Variants in ZNF532 observed in about 807,000 individuals in gnomAD.
ZNF532 encodes zinc finger protein 532.
A neutral mutation model predicts 89.3 loss-of-function variants in ZNF532; 22 were observed. That is an observed-to-expected ratio of 0.25 (90% CI 0.18 to 0.35). The LOEUF (loss-of-function observed/expected upper bound fraction) is 0.35. Ranked by LOEUF, ZNF532 falls within the 10% of genes least tolerant of loss-of-function variation. The pLI, the probability that ZNF532 is intolerant of heterozygous loss-of-function variation, is 1.00. For missense variants in ZNF532, 1,132 were observed against 1,643.4 expected (o/e 0.69, Z 5.38); for synonymous variants, 606 against 649.6 (o/e 0.93, Z 1.02).
intron 2 of ZNF532, among the ~76,000 whole-genome samples, chr18:58,894,281 A>G (rs1468992595): frequency 6.6e-6 from 1 of 152,068 alleles, no homozygotes; most frequent in African/African-American, 2.4e-5. Flanking sequence ...CCCGGCTAAC[A>G]TGGTGAAACC....
chr18:58,929,442 C>T (rs1453405209), intron 3 of ZNF532, among the ~76,000 whole-genome samples: 1 of 152,210 alleles, frequency 6.6e-6, no homozygotes, highest in Non-Finnish European at 1.5e-5. Flanking sequence ...AACCAGGGAG[C>T]TCATCTGAAT....
chr18:58,903,949 A>G (rs544352058), intron 2 of ZNF532, among the ~76,000 whole-genome samples: 1 of 152,360 alleles, frequency 6.6e-6, no homozygotes, highest in African/African-American at 2.4e-5. Flanking sequence ...AAATTTCAGC[A>G]TACATTGGGA....
At chr18:58,930,305 A>G (rs1040769470) in intron 3 of ZNF532, among the ~76,000 whole-genome samples, 2 of 152,032 alleles carry the variant, frequency 1.3e-5, no homozygotes, top group Non-Finnish European at 2.9e-5. Context: ...CTATTGATCA[A>G]TTTCAGTGAC....
intron 2 of ZNF532, among the ~76,000 whole-genome samples, chr18:58,890,887 C>T (rs2058852183): frequency 6.6e-6 from 1 of 151,334 alleles, no homozygotes; most frequent in Admixed American, 6.6e-5. Flanking sequence ...CTCTGTCATC[C>T]AGGCTGGGGT....
chr18:58,950,957 C>CTTTTTT (rs35733502), intron 6 of ZNF532, among the ~76,000 whole-genome samples: 1 of 146,306 alleles, frequency 6.8e-6, no homozygotes, highest in African/African-American at 2.5e-5. Flanking sequence ...TTTTCAGAGT[C>CTTTTTT]TTTTTTTTTT....
chr18:58,866,216 T>C (rs975090637), intron 2 of ZNF532, among the ~76,000 whole-genome samples: 1 of 152,228 alleles, frequency 6.6e-6, no homozygotes, highest in Non-Finnish European at 1.5e-5. Context: ...TGTGAAAAGA[T>C]GCCTGTTAAC....
At chr18:58,888,153 GTATTT>G (rs71945223) in intron 2 of ZNF532, among the ~76,000 whole-genome samples, 4,349 of 152,138 alleles carry the variant, frequency 0.029, 215 homozygotes, top group African/African-American at 0.099. Flanking sequence ...ATCATCATGA[GTATTT>G]TATTTTATAT....
Position 58,920,556 on chromosome 18 carries a change from T to C in ZNF532, c.2269T>C (p.Leu757=), listed in dbSNP as rs149632353. The C allele has an allele frequency of 2.3e-3, 3,701 of 1,613,440 alleles. 15 individuals are homozygous for C. Among genetic ancestry groups the C allele is most frequent in the Middle Eastern group, 8.8e-3 (53 of 6,056 alleles). Residue 757 remains leucine (L), a synonymous_variant, in exon 3 of 10, where the codon TTG becomes CTG. Coordinates refer to ENST00000591808, the MANE Select transcript of ZNF532 (RefSeq NM_001375912.1). ...SKLCRHSLKC[L]ECNEVFQDET... The stretch of plus-strand genomic sequence containing the variant: ...ACTGTGTAGACATAGTCTAAAATGT[T>C]TGGAGTGTAATGAAGTCTTCCAGGA...
At chr18:58,873,908 T>TA (rs2057209028) in intron 2 of ZNF532, among the ~76,000 whole-genome samples, 1 of 152,224 alleles carries the variant, frequency 6.6e-6, no homozygotes, top group South Asian at 2.1e-4. Context: ...TTTTGCCACT[T>TA]ACTAGCTGCG....
At chr18:58,970,942 C>CT (rs1568451113) in intron 7 of ZNF532, among the ~76,000 whole-genome samples, 1 of 152,186 alleles carries the variant, frequency 6.6e-6, no homozygotes, top group Admixed American at 6.5e-5. Flanking sequence ...TCAGCCCTTT[C>CT]TTTTTTTCTC....
intron 2 of ZNF532, among the ~76,000 whole-genome samples, chr18:58,918,005 A>G (rs1460500199): frequency 6.6e-6 from 1 of 152,132 alleles, no homozygotes; most frequent in Non-Finnish European, 1.5e-5. Flanking sequence ...GTTTCAATCA[A>G]CTTCATTCTT....
chr18:58,941,509 G>T (rs905369455), intron 5 of ZNF532, among the ~76,000 whole-genome samples: 11 of 112,636 alleles, frequency 9.8e-5, no homozygotes, highest in African/African-American at 3.5e-4. Flanking sequence ...GTCTCATTCT[G>T]ATCCAAACTG....
intron 3 of ZNF532, among the ~76,000 whole-genome samples, chr18:58,925,288 A>G (rs928538907): frequency 1.3e-5 from 2 of 152,106 alleles, no homozygotes; most frequent in Non-Finnish European, 2.9e-5. Flanking sequence ...TGCTGTTACC[A>G]TATTTTATTT....
chr18:58,880,771 C>CGTGTGTGTGTGTGTGTGTGTGTGTGT (rs1555704786), intron 2 of ZNF532, among the ~76,000 whole-genome samples: 45 of 145,256 alleles, frequency 3.1e-4, no homozygotes, highest in Admixed American at 1.0e-3. Context: ...CACGCGCGCG[C>CGTGTGTGTGTGTGTGTGTGTGTGTGT]GTCTGTGTGT....
intron 2 of ZNF532, among the ~76,000 whole-genome samples, chr18:58,874,761 A>G (rs904962223): frequency 1.3e-5 from 2 of 152,252 alleles, no homozygotes; most frequent in African/African-American, 4.8e-5. Context: ...AGTTTAAAAC[A>G]AAACAAAACT....
chr18:58,904,301 G>A (rs573394890), intron 2 of ZNF532, among the ~76,000 whole-genome samples: 11 of 151,312 alleles, frequency 7.3e-5, no homozygotes, highest in East Asian at 1.9e-4. Context: ...GCAGTGAGCC[G>A]AGATCACGCC....
intron 2 of ZNF532, among the ~76,000 whole-genome samples, chr18:58,907,640 A>C (rs1015252281): frequency 6.6e-6 from 1 of 152,100 alleles, no homozygotes; most frequent in South Asian, 2.1e-4. Flanking sequence ...GGGGGTTGCA[A>C]AGATCAGGAG....
At chr18:58,948,713 G>T (rs901699423) in intron 6 of ZNF532, among the ~76,000 whole-genome samples, 1 of 151,814 alleles carries the variant, frequency 6.6e-6, no homozygotes, top group Non-Finnish European at 1.5e-5. Context: ...GATTACAGGC[G>T]TGTACCACCA....
At chr18:58,941,964 C>CTCTCTCCT (rs1555739565) in intron 5 of ZNF532, among the ~76,000 whole-genome samples, 19 of 124,342 alleles carry the variant, frequency 1.5e-4, no homozygotes, top group African/African-American at 5.6e-4. Context: ...CCCTCCCTCT[C>CTCTCTCCT]TCCCTCCCTC....
Sources: gnomAD v4.1 joint callset for allele counts (sites outside exome capture counted in the v4.1 genomes callset) on GRCh38, gnomAD v4.1.1 for gene constraint, MANE v1.5 for transcripts, NCBI Gene and HGNC (gene_info 2026-07-23, HGNC 2026-07-21) for gene names.